The following ZNF423 variants were observed in gnomAD, a reference collection of about 807,000 sequenced individuals.
The protein encoded by ZNF423 is zinc finger protein 423.
ZNF423 carries 12 observed loss-of-function variants against 95.8 expected under a neutral mutation model. That is an observed-to-expected ratio of 0.13 (90% CI 0.08 to 0.20). The LOEUF is 0.20. ZNF423 is among the 10% of genes least tolerant of loss of function. ZNF423 has a pLI of 1.00. For missense variants in ZNF423, 1,316 were observed against 1,737.1 expected (o/e 0.76, Z 4.31); for synonymous variants, 749 against 711.9 (o/e 1.05, Z -0.83).
chr16:49,600,681 T>C (rs1368321731), intron 5 of ZNF423, among the ~76,000 whole-genome samples: 1 of 152,138 alleles, frequency 6.6e-6, no homozygotes, highest in Non-Finnish European at 1.5e-5. Context: ...CCGACGTTTA[T>C]TACCCGCCAG....
At chr16:49,839,869 G>A (rs1409717001) in intron 1 of ZNF423, among the ~76,000 whole-genome samples, 1 of 152,100 alleles carries the variant, frequency 6.6e-6, no homozygotes, top group East Asian at 1.9e-4. Context: ...TCATGAAGCA[G>A]CCCCCTTCAC....
intron 5 of ZNF423, among the ~76,000 whole-genome samples, chr16:49,545,963 C>T (rs1969424384): frequency 6.6e-6 from 1 of 152,224 alleles, no homozygotes; most frequent in Non-Finnish European, 1.5e-5. Context: ...AACCCCAGGG[C>T]TGTGCTAACT....
At position 49,697,430 on chromosome 16, in the gene ZNF423, G is replaced by A. The variant is rs2032017344; in HGVS notation, c.301+33341C>T. Among the ~76,000 whole-genome samples the A allele has an allele frequency of 4.6e-5, 7 of 151,994 alleles. 1 individual carries two copies. The South Asian group carries it at 1.5e-3, about 32-fold the overall frequency. ...CAAAATGCTAATTACCTACCAAGTA[G>A]GCTCCTGGAGTCCAAGCCAAGCACC... is the stretch of plus-strand genomic sequence containing the variant. On this transcript the variant is annotated intron_variant, in intron 3 of 7. Coordinates refer to ENST00000563137, the MANE Select transcript of ZNF423 (RefSeq NM_001379286.1).
At chr16:49,566,763 G>C (rs1484034305) in intron 5 of ZNF423, among the ~76,000 whole-genome samples, 1 of 152,164 alleles carries the variant, frequency 6.6e-6, no homozygotes, top group African/African-American at 2.4e-5. Flanking sequence ...ATGGCTTGGC[G>C]GGCAGCGCGG....
chr16:49,842,160 C>G (rs1453256086), intron 1 of ZNF423, among the ~76,000 whole-genome samples: 1 of 148,804 alleles, frequency 6.7e-6, no homozygotes, highest in East Asian at 2.0e-4. Flanking sequence ...ATCACTTGAA[C>G]CTGGGAGGCA....
intron 5 of ZNF423, among the ~76,000 whole-genome samples, chr16:49,556,124 C>T (rs1023257519): frequency 2.0e-5 from 3 of 152,180 alleles, no homozygotes; most frequent in Non-Finnish European, 2.9e-5. Flanking sequence ...TGGTCTCTTC[C>T]GACCTTCGGA....
chr16:49,645,144 C>T (rs992477328), intron 3 of ZNF423, among the ~76,000 whole-genome samples: 1 of 152,162 alleles, frequency 6.6e-6, no homozygotes, highest in African/African-American at 2.4e-5. Context: ...ATGAAAATTG[C>T]CAAGGAGACC....
chr16:49,730,661 C>T (rs1157163137), intron 3 of ZNF423, 110 bp downstream of exon 3: 1 of 1,174,022 alleles, frequency 8.5e-7, no homozygotes, highest in African/African-American at 1.5e-5. Context: ...ATGACATTAA[C>T]TGTAAAATTA....
chr16:49,545,682 G>A (rs1464634035), intron 5 of ZNF423, among the ~76,000 whole-genome samples: 1 of 152,208 alleles, frequency 6.6e-6, no homozygotes, highest in East Asian at 1.9e-4. Flanking sequence ...TGGGGAGTGG[G>A]CAGAATGTAT....
At chr16:49,629,441 C>T (rs1972420417) in intron 4 of ZNF423, among the ~76,000 whole-genome samples, 1 of 152,220 alleles carries the variant, frequency 6.6e-6, no homozygotes, top group South Asian at 2.1e-4. Context: ...CCCACACCCA[C>T]AGTTCCCTAA....
chr16:49,689,327 G>A (rs1319583775), intron 3 of ZNF423, among the ~76,000 whole-genome samples: 4 of 151,762 alleles, frequency 2.6e-5, no homozygotes, highest in African/African-American at 9.7e-5. Context: ...GCGTGGTGGT[G>A]CGTGCCTGTG....
chr16:49,550,925 G>A (rs539914685), intron 5 of ZNF423, among the ~76,000 whole-genome samples: 27 of 152,238 alleles, frequency 1.8e-4, no homozygotes, highest in Non-Finnish European at 3.2e-4. Flanking sequence ...GCCTCCCTTC[G>A]CAGGTACCTA....
chr16:49,779,638 C>T (rs998269898), intron 2 of ZNF423, among the ~76,000 whole-genome samples: 6 of 152,074 alleles, frequency 3.9e-5, no homozygotes, highest in African/African-American at 1.4e-4. Context: ...CCATTGGCAC[C>T]CCACCCCACA....
chr16:49,617,168 G>A (rs1454197531), intron 5 of ZNF423, among the ~76,000 whole-genome samples: 4 of 152,112 alleles, frequency 2.6e-5, no homozygotes, highest in South Asian at 2.1e-4. Flanking sequence ...TGGCCATAAC[G>A]ATTGGCTCAT....
chr16:49,695,073 A>G (rs144112475), intron 3 of ZNF423, among the ~76,000 whole-genome samples: 76 of 152,224 alleles, frequency 5.0e-4, no homozygotes, highest in African/African-American at 1.6e-3. Flanking sequence ...TTCTGCACCG[A>G]GCAGCTCAGG....
At chr16:49,693,541 T>A (rs2031864771) in intron 3 of ZNF423, among the ~76,000 whole-genome samples, 1 of 152,154 alleles carries the variant, frequency 6.6e-6, no homozygotes, top group Admixed American at 6.6e-5. Flanking sequence ...CTGTCTTCCT[T>A]GAGCAAACAC....
At chr16:49,632,423 G>C (rs1011427536) in intron 4 of ZNF423, among the ~76,000 whole-genome samples, 1 of 152,134 alleles carries the variant, frequency 6.6e-6, no homozygotes, top group African/African-American at 2.4e-5. Flanking sequence ...CCACACAGGG[G>C]GCAAGGCCCC....
chr16:49,814,088 G>A (rs562233561), intron 1 of ZNF423, among the ~76,000 whole-genome samples: 11 of 152,330 alleles, frequency 7.2e-5, no homozygotes, highest in Non-Finnish European at 1.0e-4. Flanking sequence ...GCGTGAGGTC[G>A]AAGGCTGTGG....
chr16:49,594,227 A>C (rs1366313537), intron 5 of ZNF423, among the ~76,000 whole-genome samples: 1 of 152,038 alleles, frequency 6.6e-6, no homozygotes, highest in African/African-American at 2.4e-5. Flanking sequence ...CTCTTTATTA[A>C]AAATTCCACA....
Sources: gnomAD v4.1 joint callset for allele counts (sites outside exome capture counted in the v4.1 genomes callset) on GRCh38, gnomAD v4.1.1 for gene constraint, MANE v1.5 for transcripts, NCBI Gene and HGNC (gene_info 2026-07-23, HGNC 2026-07-21) for gene names.